Variants in KLF13 observed in about 807,000 individuals in gnomAD.
The protein encoded by KLF13 is Krueppel-like factor 13.
Under a neutral mutation model 16.7 loss-of-function variants are expected in KLF13, and 8 were observed. The ratio of observed to expected loss-of-function variants is 0.48; its 90% CI spans 0.28 to 0.87. The LOEUF (loss-of-function observed/expected upper bound fraction) is 0.87, where lower values mean the gene tolerates loss of function less well. KLF13 is among the 40% of genes least tolerant of loss of function. The pLI is 0.10. For missense variants in KLF13, 447 were observed against 452.2 expected, an observed-to-expected ratio of 0.99 and a Z score of 0.10; for synonymous variants, 245 against 208.4, an observed-to-expected ratio of 1.18 and a Z score of -1.51.
intron 1 of KLF13, among the ~76,000 whole-genome samples, chr15:31,409,968 CATAAA>C (rs1417450389): frequency 6.6e-6 from 1 of 152,044 alleles, no homozygotes. Flanking sequence ...AGCAAATGTA[CATAAA>C]ATAAAGTCTA....
chr15:31,393,831 T>C (rs577844771), intron 2 of KLF13: 1 of 152,356 alleles, frequency 6.6e-6, no homozygotes, highest in South Asian at 2.1e-4. Flanking sequence ...GAGGCCTCTA[T>C]GGAGAGTCAA....
At chr15:31,412,390 A>G (rs1292174063) in intron 1 of KLF13, among the ~76,000 whole-genome samples, 1 of 152,166 alleles carries the variant, frequency 6.6e-6, no homozygotes, top group African/African-American at 2.4e-5. Context: ...AAGACATAAA[A>G]TATCGTAGTT....
At chr15:31,431,527 T>G (rs955136523) in intron 1 of KLF13, among the ~76,000 whole-genome samples, 1 of 152,044 alleles carries the variant, frequency 6.6e-6, no homozygotes, top group Non-Finnish European at 1.5e-5. Flanking sequence ...TGCAGTGGCG[T>G]GCTCTCGGCT....
At chr15:31,378,759 C>T (rs1320886671), downstream of KLF13, among the ~76,000 whole-genome samples, 2 of 152,140 alleles carry the variant, frequency 1.3e-5, no homozygotes, top group Non-Finnish European at 2.9e-5. Flanking sequence ...GTTGCTGTCG[C>T]CGAGGCTGGA....
chr15:31,345,540 C>A (rs534005455), intron 1 of KLF13, among the ~76,000 whole-genome samples: 74 of 152,332 alleles, frequency 4.9e-4, no homozygotes, highest in African/African-American at 1.7e-3. Context: ...AGGAGCGTGG[C>A]AGGGTCCCAT....
At chr15:31,418,052 A>G (rs1044396956) in intron 1 of KLF13, among the ~76,000 whole-genome samples, 1 of 152,130 alleles carries the variant, frequency 6.6e-6, no homozygotes, top group Non-Finnish European at 1.5e-5. Flanking sequence ...ACTAACCAAA[A>G]CCCACCTCTA....
At chr15:31,404,968 C>T (rs148874350), downstream of KLF13, among the ~76,000 whole-genome samples, 2 of 152,282 alleles carry the variant, frequency 1.3e-5, no homozygotes, top group East Asian at 3.9e-4. Flanking sequence ...TCCACCCTGC[C>T]TCAAAGAGGC....
At chr15:31,339,993 G>A in intron 1 of KLF13, 1 of 702,416 alleles carries the variant, frequency 1.4e-6, no homozygotes, top group African/African-American at 1.7e-5. Context: ...GCCAGGTGAG[G>A]ATCCAGGGAA....
intron 1 of KLF13, among the ~76,000 whole-genome samples, chr15:31,382,998 A>C (rs181998642): frequency 2.1e-4 from 32 of 152,294 alleles, no homozygotes; most frequent in Admixed American, 8.5e-4. Context: ...CCTCACAATT[A>C]GGTAATCATT....
chr15:31,333,953 G>T (rs1032350202), intron 1 of KLF13, among the ~76,000 whole-genome samples: 6 of 87,730 alleles, frequency 6.8e-5, no homozygotes, highest in Admixed American at 2.7e-4. Flanking sequence ...ATCGCCTCAT[G>T]GGGGGGGGAG....
At chr15:31,421,876 G>T (rs1346794201) in intron 1 of KLF13, among the ~76,000 whole-genome samples, 4 of 152,128 alleles carry the variant, frequency 2.6e-5, no homozygotes, top group Non-Finnish European at 4.4e-5. Context: ...CATTTTGGGA[G>T]GCCAGGACGG....
At position 31,372,169 on chromosome 15, in the gene KLF13, C is replaced by T. The variant is rs1363864040; in HGVS notation, c.737C>T (p.Ala246Val). Reference protein sequence around the residue: ...FMRSDHLTKHARRHANFHPGM... With the variant: ...FMRSDHLTKHVRRHANFHPGM... ...CGCAGCGACCACCTGACCAAGCACG[C>T]GCGCCGCCACGCCAACTTCCACCCG... The change falls in exon 2 of 2, where the codon GCG becomes GTG. Residue 246 changes from alanine to valine, a missense_variant. Physicochemically the swap from Ala to Val is moderately conservative, Grantham distance 64. Coordinates refer to ENST00000307145, the MANE Select transcript of KLF13 (RefSeq NM_015995.4). 9.3e-6 allele frequency: 15 copies of T among 1,612,162 alleles called. No individual in the cohort carries two copies. Among genetic ancestry groups the T allele is most frequent in the Admixed American group, 1.7e-5 (1 of 59,974 alleles).
rs1451727214 is a variant in KLF13, at chr15:31,327,728, G to A, written c.516G>A (p.Ala172=). The change falls in exon 1 of 2, where the codon GCG becomes GCA. Residue 172 remains alanine (A), a synonymous_variant. Coordinates refer to ENST00000307145, the MANE Select transcript of KLF13 (RefSeq NM_015995.4). ...AGAGGAAGCACAAGTGCCACTACGC[G>A]GGCTGCGAGAAAGTTTACGGGAAAT... ...SPQRKHKCHY[A]GCEKVYGKSS... is the part of the protein sequence containing the mutation. The A allele has an allele frequency of 2.6e-6, 4 of 1,536,998 alleles. No individual in the cohort carries two copies. Among genetic ancestry groups the A allele is most frequent in the Admixed American group, 1.8e-5 (1 of 54,398 alleles).
chr15:31,363,055 A>T (rs2039413780), intron 1 of KLF13, among the ~76,000 whole-genome samples: 2 of 152,202 alleles, frequency 1.3e-5, no homozygotes, highest in African/African-American at 4.8e-5. Flanking sequence ...AAAAGTTCAG[A>T]TGTGGGTAAA....
downstream of KLF13, among the ~76,000 whole-genome samples, chr15:31,408,973 G>C (rs1020646109): frequency 5.9e-5 from 9 of 152,072 alleles, no homozygotes; most frequent in African/African-American, 2.2e-4. Context: ...GAAAAACAAA[G>C]AACAACAAAC....
chr15:31,382,873 G>A (rs1020268669), downstream of KLF13, among the ~76,000 whole-genome samples: 10 of 152,214 alleles, frequency 6.6e-5, 1 homozygote, highest in South Asian at 8.3e-4. Flanking sequence ...CGTGACGGGC[G>A]TTGCCCTCAT....
chr15:31,432,163 G>A (rs977468099), intron 1 of KLF13, among the ~76,000 whole-genome samples: 3 of 152,074 alleles, frequency 2.0e-5, no homozygotes, highest in African/African-American at 7.2e-5. Flanking sequence ...CTTTCAGGTC[G>A]TTTTGCTGAA....
At chr15:31,435,642 C>A (rs1289622852) in exon 2 of KLF13, 1 of 152,100 alleles carries the variant, frequency 6.6e-6, no homozygotes, top group Non-Finnish European at 1.5e-5. Context: ...TTGAAGTAAA[C>A]AGAATAAAAG....
At chr15:31,398,067 C>T (rs992292169) in intron 2 of KLF13, among the ~76,000 whole-genome samples, 3 of 152,192 alleles carry the variant, frequency 2.0e-5, no homozygotes, top group African/African-American at 7.2e-5. Flanking sequence ...GCCTGCTAGG[C>T]CTGCGTCTCT....
Sources: allele counts gnomAD v4.1 joint callset (sites outside exome capture counted in the v4.1 genomes callset), GRCh38; gene constraint gnomAD v4.1.1; transcripts MANE v1.5; gene names NCBI Gene and HGNC (gene_info 2026-07-23, HGNC 2026-07-21).